KCNT2: variants seen among roughly 807,000 people sequenced by gnomAD.
KCNT2 encodes potassium sodium-activated channel subfamily T member 2, also known as potassium channel subfamily T member 2.
In KCNT2, 67 loss-of-function variants were observed where a neutral mutation model predicts 153.8. The ratio of observed to expected loss-of-function variants is 0.44; its 90% CI spans 0.36 to 0.53. The LOEUF (loss-of-function observed/expected upper bound fraction) is 0.53. Among genes scored for constraint, KCNT2 ranks in the 20% least tolerant of loss-of-function variants. The probability of loss-of-function intolerance (pLI) is 0.00; values close to 1 mark genes in which losing one functional copy is unlikely to be tolerated. For missense variants in KCNT2, 975 were observed against 1,354.8 expected, an observed-to-expected ratio of 0.72 and a Z score of 4.40; for synonymous variants, 500 against 458.8, an observed-to-expected ratio of 1.09 and a Z score of -1.15.
In KCNT2 at chr1:196,256,347, C is replaced by CA. The variant is rs538670904; in HGVS notation, c.3211+1846dup. 1.8e-3 allele frequency among the ~76,000 whole-genome samples: 279 copies of CA among 151,982 alleles called. 10 individuals are homozygous for CA. Among genetic ancestry groups the CA allele is most frequent in the Admixed American group, 0.014 (218 of 15,234 alleles). ...TCAATCATGAAAAAATTAAGCCAAA[C>CA]AAAAATGACATCCTTGTAAGCTGTG... On this transcript the variant is annotated intron_variant, in intron 26 of 27. Coordinates refer to ENST00000294725, the MANE Select transcript of KCNT2 (RefSeq NM_198503.5).
At chr1:196,293,056 T>C (rs1160146861) in intron 22 of KCNT2, among the ~76,000 whole-genome samples, 1 of 151,364 alleles carries the variant, frequency 6.6e-6, no homozygotes, top group Non-Finnish European at 1.5e-5. Context: ...TAAGAATAAA[T>C]GTAATCAAAG....
chr1:196,370,253 G>T (rs887360135), intron 14 of KCNT2, among the ~76,000 whole-genome samples: 3 of 152,002 alleles, frequency 2.0e-5, no homozygotes, highest in Admixed American at 2.0e-4. Flanking sequence ...ACTGCCAAGA[G>T]CACAGAACAC....
intron 1 of KCNT2, among the ~76,000 whole-genome samples, chr1:196,507,366 TTTTC>T (rs1273488674): frequency 1.3e-5 from 2 of 152,182 alleles, no homozygotes; most frequent in Non-Finnish European, 2.9e-5. Context: ...TGGCTTTCTA[TTTTC>T]TGTGGTATTT....
At chr1:196,253,897 CAT>C (rs1411376490) in intron 26 of KCNT2, among the ~76,000 whole-genome samples, 3 of 151,510 alleles carry the variant, frequency 2.0e-5, no homozygotes, top group African/African-American at 7.3e-5. Flanking sequence ...TTTTCCTACA[CAT>C]GTGCCAAAAC....
intron 24 of KCNT2, among the ~76,000 whole-genome samples, chr1:196,281,892 G>T (rs1481047784): frequency 6.6e-6 from 1 of 151,708 alleles, no homozygotes; most frequent in Non-Finnish European, 1.5e-5. Context: ...TGGGACTACA[G>T]GGGCCCGCCA....
chr1:196,281,783 G>A (rs1659125008), intron 24 of KCNT2, among the ~76,000 whole-genome samples: 1 of 150,076 alleles, frequency 6.7e-6, no homozygotes, highest in Admixed American at 6.6e-5. Context: ...TTGAGATGGA[G>A]TCTTACTCTG....
At chr1:196,597,949 G>A (rs1294425958) in intron 1 of KCNT2, among the ~76,000 whole-genome samples, 1 of 152,006 alleles carries the variant, frequency 6.6e-6, no homozygotes, top group Non-Finnish European at 1.5e-5. Flanking sequence ...CATTATCCCA[G>A]TACAGTGTTG....
chr1:196,353,713 A>C (rs1423387042), intron 14 of KCNT2, among the ~76,000 whole-genome samples: 2 of 152,006 alleles, frequency 1.3e-5, no homozygotes, highest in African/African-American at 4.8e-5. Flanking sequence ...TTAGTCTACT[A>C]TACTTCAAAA....
Position 196,465,312 on chromosome 1 carries a change from G to A in KCNT2, c.619C>T (p.Leu207=), listed in dbSNP as rs1677511023. ...NQVLILISTL[L]CLIFTCICGI... is the part of the protein sequence containing the mutation. ...TCTTACCAGGTGAAGATAAGGCATA[G>A]TAATGTAGATATTAAAATCAAAACT... The change falls in exon 8 of 28, where the codon CTA becomes TTA. Residue 207 remains leucine (L), a synonymous_variant. Transcript: ENST00000294725. The A allele has an allele frequency of 6.3e-7, 1 of 1,578,800 alleles. No homozygotes were observed. The highest frequency in any genetic ancestry group is 8.7e-7 in the Non-Finnish European group (1 of 1,148,616).
At position 196,242,413 on chromosome 1, in the gene KCNT2, G is replaced by C. The variant is rs561258619; in HGVS notation, c.3212-6343C>G. Among the ~76,000 whole-genome samples the C allele has an allele frequency of 2.2e-4, 34 of 151,786 alleles. 1 individual carries two copies. Among genetic ancestry groups the C allele is most frequent in the Non-Finnish European group, 4.7e-4 (32 of 67,918 alleles). ...TTATATAATTTTATTTTAATAATTG[G>C]ACCCATTGATTTAAATTTAAAGTTA... On this transcript the variant is annotated intron_variant, in intron 26 of 27. Coordinates refer to ENST00000294725, the MANE Select transcript of KCNT2 (RefSeq NM_198503.5).
At chr1:196,280,510 C>T (rs1658994629) in intron 25 of KCNT2, among the ~76,000 whole-genome samples, 1 of 152,146 alleles carries the variant, frequency 6.6e-6, no homozygotes, top group Non-Finnish European at 1.5e-5. Flanking sequence ...ATCTAGGTTG[C>T]TTGCCCTGAG....
chr1:196,551,387 T>C (rs1268128960), intron 1 of KCNT2, among the ~76,000 whole-genome samples: 1 of 151,716 alleles, frequency 6.6e-6, no homozygotes, highest in Non-Finnish European at 1.5e-5. Context: ...ATTCTGAGGA[T>C]GTTAAATCTG....
At chr1:196,502,287 C>G (rs1021899293) in intron 1 of KCNT2, among the ~76,000 whole-genome samples, 1 of 152,108 alleles carries the variant, frequency 6.6e-6, no homozygotes, top group Non-Finnish European at 1.5e-5. Flanking sequence ...CATAATTACT[C>G]AAGCCTAACA....
intron 25 of KCNT2, among the ~76,000 whole-genome samples, chr1:196,275,974 G>A (rs1360106231): frequency 6.6e-6 from 1 of 151,932 alleles, no homozygotes; most frequent in African/African-American, 2.4e-5. Flanking sequence ...GCAGCTTATA[G>A]CATAATATCT....
rs575111999 is a variant in KCNT2 at position 196,534,137 on chromosome 1, A to G, written c.96-41796T>C. Reference sequence around the variant, plus strand: ...AGGAAGAATCTTTTTTACCTAAGATATATTAATGCACTACCTCGGAAACCA... The same window carrying G: ...AGGAAGAATCTTTTTTACCTAAGATGTATTAATGCACTACCTCGGAAACCA... On this transcript the variant is annotated intron_variant, in intron 1 of 27. Transcript: ENST00000294725. Among the ~76,000 whole-genome samples, 3 of 152,302 alleles carry G rather than the reference A, an allele frequency of 2.0e-5. No homozygotes were observed. In the East Asian group the frequency reaches 5.8e-4, roughly 29 times the overall value.
At chr1:196,461,694 G>C (rs985022597) in intron 8 of KCNT2, among the ~76,000 whole-genome samples, 4 of 151,680 alleles carry the variant, frequency 2.6e-5, no homozygotes, top group African/African-American at 9.7e-5. Context: ...AGCTGTCTTG[G>C]AAGTGTGTAT....
chr1:196,434,165 TA>T (rs1489610509), intron 8 of KCNT2, among the ~76,000 whole-genome samples: 1 of 152,058 alleles, frequency 6.6e-6, no homozygotes, highest in Admixed American at 6.6e-5. Context: ...AGTCTAGTAT[TA>T]CCAAAAATGG....
chr1:196,247,880 G>C (rs1655595369), intron 26 of KCNT2, among the ~76,000 whole-genome samples: 1 of 152,174 alleles, frequency 6.6e-6, no homozygotes, highest in Admixed American at 6.6e-5. Context: ...TCATTCTCAA[G>C]GACAGGCCAT....
intron 1 of KCNT2, among the ~76,000 whole-genome samples, chr1:196,520,630 C>T (rs551058011): frequency 2.6e-5 from 4 of 151,984 alleles, no homozygotes; most frequent in Non-Finnish European, 5.9e-5. Context: ...GTAGAGAACC[C>T]AGAAATAATG....
Sources: allele counts gnomAD v4.1 joint callset (sites outside exome capture counted in the v4.1 genomes callset), GRCh38; gene constraint gnomAD v4.1.1; transcripts MANE v1.5; gene names NCBI Gene and HGNC (gene_info 2026-07-23, HGNC 2026-07-21).